Variants in CHD1L observed in about 807,000 individuals in gnomAD.
CHD1L encodes chromodomain helicase DNA binding protein 1 like.
CHD1L carries 118 observed loss-of-function variants against 115.9 expected under a neutral mutation model. The observed-to-expected ratio is 1.02, with a 90% CI of 0.88 to 1.19. The LOEUF (loss-of-function observed/expected upper bound fraction) is 1.19. Ranked by LOEUF, CHD1L falls within the 50% of genes most tolerant of loss-of-function variation. CHD1L has a pLI of 0.00. For missense variants in CHD1L, 1,179 were observed against 1,065.3 expected (o/e 1.11, Z -1.49); for synonymous variants, 411 against 387.1 (o/e 1.06, Z -0.72).
chr1:147,182,804 T>C, the CHD1L span, among the ~76,000 whole-genome samples: 2 of 152,204 alleles, frequency 1.3e-5, no homozygotes, highest in African/African-American at 4.8e-5. Context: ...ACCTTCTTTC[T>C]TGTACCAAGA....
the CHD1L span, among the ~76,000 whole-genome samples, chr1:147,229,314 G>A: frequency 6.6e-6 from 1 of 152,226 alleles, no homozygotes; most frequent in Non-Finnish European, 1.5e-5. Context: ...AGATCAGATG[G>A]TTGTAGATAT....
chr1:147,269,434 G>A (rs587655907), intron 10 of CHD1L, among the ~76,000 whole-genome samples: 40 of 152,228 alleles, frequency 2.6e-4, no homozygotes, highest in African/African-American at 9.6e-4. Context: ...ACTTTGGGAG[G>A]CTGAGGTGGG....
chr1:147,196,273 A>G, the CHD1L span, among the ~76,000 whole-genome samples: 1 of 152,136 alleles, frequency 6.6e-6, no homozygotes, highest in South Asian at 2.1e-4. Context: ...CATTTTAGCC[A>G]TGGGAATTAT....
chr1:147,234,907 C>A, the CHD1L span, among the ~76,000 whole-genome samples: 1 of 152,178 alleles, frequency 6.6e-6, no homozygotes, highest in African/African-American at 2.4e-5. Context: ...TAAATCACAT[C>A]CACTCATATT....
chr1:147,237,815 G>T (rs1375619770), upstream of CHD1L, among the ~76,000 whole-genome samples: 8 of 152,202 alleles, frequency 5.3e-5, no homozygotes, highest in Non-Finnish European at 1.5e-5. Context: ...TGATGGCATG[G>T]CATGACAGTC....
At chr1:147,190,998 A>C in the CHD1L span, among the ~76,000 whole-genome samples, 6 of 152,038 alleles carry the variant, frequency 3.9e-5, no homozygotes, top group Non-Finnish European at 7.4e-5. Context: ...CCATGTCCCT[A>C]CAAAGGACAT....
intron 6 of CHD1L, among the ~76,000 whole-genome samples, chr1:147,263,867 C>T (rs2102535209): frequency 6.6e-6 from 1 of 151,762 alleles, no homozygotes; most frequent in South Asian, 2.1e-4. Flanking sequence ...ATTTTTTTTC[C>T]ATTTAAGATT....
chr1:147,283,171 C>T (rs952168731), intron 15 of CHD1L, among the ~76,000 whole-genome samples: 1 of 152,124 alleles, frequency 6.6e-6, no homozygotes, highest in Non-Finnish European at 1.5e-5. Flanking sequence ...TTTGACACTT[C>T]TCAGCTCTAT....
chr1:147,276,591 TC>T (rs1451270926), intron 14 of CHD1L, among the ~76,000 whole-genome samples: 1 of 152,232 alleles, frequency 6.6e-6, no homozygotes, highest in Non-Finnish European at 1.5e-5. Context: ...AACAATTAAT[TC>T]TGTACTTCCA....
chr1:147,180,584 T>C, the CHD1L span, among the ~76,000 whole-genome samples: 1 of 152,288 alleles, frequency 6.6e-6, no homozygotes, highest in East Asian at 1.9e-4. Flanking sequence ...AGCCACTGCG[T>C]CCGGCCTGAA....
intron 2 of CHD1L, 111 bp downstream of exon 2, chr1:147,252,846 C>A: frequency 1.1e-6 from 1 of 876,854 alleles, no homozygotes; most frequent in Non-Finnish European, 1.8e-6. Context: ...CACAAATGTC[C>A]CTGGGATCCA....
chr1:147,186,620 C>T, the CHD1L span: 2 of 1,123,472 alleles, frequency 1.8e-6, no homozygotes, highest in African/African-American at 1.8e-5. Flanking sequence ...ATGTCAAGAA[C>T]TCTGCTAAAG....
Position 147,256,521 on chromosome 1 carries a change from A to C in CHD1L, c.463-10A>C. On this transcript the variant is annotated splice_polypyrimidine_tract_variant and intron_variant, in intron 4 of 22. Coordinates refer to ENST00000369258, the MANE Select transcript of CHD1L (RefSeq NM_004284.6). ...GCCAGCCTTTATAACGTGTCTTCCT[A>C]ATTTTTCAGATTTGCTTGAAAGATG... The C allele has an allele frequency of 6.2e-7, 1 of 1,612,830 alleles. No homozygotes were observed. Among genetic ancestry groups the C allele is most frequent in the Non-Finnish European group, 8.5e-7 (1 of 1,178,874 alleles).
At chr1:147,186,787 GAC>G in the CHD1L span, 1 of 1,491,946 alleles carries the variant, frequency 6.7e-7, no homozygotes, top group Non-Finnish European at 8.9e-7. Flanking sequence ...TTTCGAAAGA[GAC>G]ATTAAAGTAG....
At chr1:147,241,728 T>C (rs1553931068), upstream of CHD1L, among the ~76,000 whole-genome samples, 1 of 152,184 alleles carries the variant, frequency 6.6e-6, no homozygotes, top group African/African-American at 2.4e-5. Flanking sequence ...CCTTTTATTT[T>C]AGAGGAAGAT....
chr1:147,284,507 C>T lies in CHD1L; in HGVS notation c.1854+8C>T. The T allele has an allele frequency of 6.4e-7, 1 of 1,561,722 alleles. No homozygotes were observed. Among genetic ancestry groups the T allele is most frequent in the Non-Finnish European group, 8.6e-7 (1 of 1,162,446 alleles). ...CTCCGAAATAAAGGCAGTGTAAGAA[C>T]TGTTAATTTATTTAAAAGTTGTTCT... On this transcript the variant is annotated splice_region_variant and intron_variant, in intron 16 of 22. Transcript: ENST00000369258.
At chr1:147,188,815 A>G in the CHD1L span, among the ~76,000 whole-genome samples, 9,790 of 151,832 alleles carry the variant, frequency 0.064, 792 homozygotes, top group African/African-American at 0.18. Context: ...ACTCAGGTTC[A>G]GGAGGTGGTT....
chr1:147,225,315 T>A, the CHD1L span: 1 of 500,426 alleles, frequency 2.0e-6, no homozygotes, highest in African/African-American at 1.9e-5. Flanking sequence ...CAACAGATCC[T>A]TCAGCTGCGA....
Position 147,285,354 on chromosome 1 carries a change from A to T in CHD1L, c.1885A>T (p.Thr629Ser). 6.2e-7 allele frequency: 1 copy of T among 1,613,972 alleles called. No individual in the cohort carries two copies. Among genetic ancestry groups the T allele is most frequent in the South Asian group, 1.1e-5 (1 of 91,068 alleles). Residue 629 changes from threonine (T) to serine (S), a missense_variant, in exon 17 of 23, where the codon ACC becomes TCC. Coordinates refer to ENST00000369258, the MANE Select transcript of CHD1L (RefSeq NM_004284.6). ...VLIPGLVEGS[T>S]KRKRVLSPEE... ...CATCCCAGGCCTTGTGGAGGGATCT[A>T]CCAAAAGGAAGCGGGTTCTGAGTCC...
Sources: gnomAD v4.1 joint callset for allele counts (sites outside exome capture counted in the v4.1 genomes callset) on GRCh38, gnomAD v4.1.1 for gene constraint, MANE v1.5 for transcripts, NCBI Gene and HGNC (gene_info 2026-07-23, HGNC 2026-07-21) for gene names.